Variants in ACSM1 observed in about 807,000 individuals in gnomAD.
ACSM1 encodes the protein acyl-coenzyme A synthetase ACSM1, mitochondrial.
ACSM1 carries 79 observed loss-of-function variants against 75.8 expected under a neutral mutation model. That is an observed-to-expected ratio of 1.04 (90% CI 0.87 to 1.26). The LOEUF (loss-of-function observed/expected upper bound fraction) is 1.26, where lower values mean the gene tolerates loss of function less well. Ranked by LOEUF, ACSM1 falls within the 50% of genes most tolerant of loss-of-function variation. The pLI is 0.00. For missense variants in ACSM1, 676 were observed against 720.1 expected (o/e 0.94, Z 0.70); for synonymous variants, 279 against 265.8 (o/e 1.05, Z -0.48).
At chr16:20,636,615 G>A (rs888638221) in intron 10 of ACSM1, 124 bp downstream of exon 10, 1 of 705,106 alleles carries the variant, frequency 1.4e-6, no homozygotes, top group Non-Finnish European at 2.4e-6. Flanking sequence ...GCTTCGAGTT[G>A]AATGAAAACT....
intron 4 of ACSM1, chr16:20,680,960 T>C (rs1198483194): frequency 6.6e-6 from 1 of 152,168 alleles, no homozygotes; most frequent in African/African-American, 2.4e-5. Flanking sequence ...ATCCAGTTGA[T>C]GATGAAAATA....
Position 20,669,894 on chromosome 16 carries a change from G to A in ACSM1, c.845C>T (p.Pro282Leu). ...AAAGACTGTACAACCCGCTGTCCAT[G>A]GTTCTACCAGGGTCCAAATGGTAGC... ...IVATIWTLVE[P>L]WTAGCTVFIH... is the part of the protein sequence containing the mutation. Residue 282 changes from proline to leucine, a missense_variant, in exon 6 of 14, where the codon CCA (proline) becomes CTA (leucine). By Grantham distance (98) the Pro-to-Leu change is moderately conservative (BLOSUM62 -3). Coordinates refer to ENST00000520010, the MANE Select transcript of ACSM1 (RefSeq NM_001318890.3). 1 of 1,613,936 alleles carries A rather than the reference G, an allele frequency of 6.2e-7. No homozygotes were observed. The highest frequency in any genetic ancestry group is 1.7e-5 in the Admixed American group (1 of 59,986).
intron 2 of ACSM1, among the ~76,000 whole-genome samples, chr16:20,688,356 A>C (rs2079591412): frequency 6.6e-6 from 1 of 152,124 alleles, no homozygotes; most frequent in African/African-American, 2.4e-5. Context: ...TTCTAGAAAA[A>C]GAAAGAGAAA....
chr16:20,675,751 C>CA (rs1358592582), intron 4 of ACSM1, among the ~76,000 whole-genome samples: 1 of 152,142 alleles, frequency 6.6e-6, no homozygotes, highest in Non-Finnish European at 1.5e-5. Flanking sequence ...GGAAGACAGC[C>CA]AGGGCATTCA....
At position 20,671,572 on chromosome 16, in the gene ACSM1, T is replaced by G; in HGVS notation, c.711A>C (p.Lys237Asn). Residue 237 changes from lysine to asparagine, a missense_variant, in exon 5 of 14, where the codon AAA (lysine) becomes AAC (asparagine). Lys to Asn is a moderately conservative substitution (Grantham distance 94). Coordinates refer to ENST00000520010, the MANE Select transcript of ACSM1 (RefSeq NM_001318890.3). ...GTTGTAAGGCCAACCCATGGGAGTG[T>G]TTTGCCATCTTGGGGAAGCCTGTGG... Reference protein sequence around the residue: ...SGTTGFPKMAKHSHGLALQPS... With the variant: ...SGTTGFPKMANHSHGLALQPS... 2.5e-6 allele frequency: 4 copies of G among 1,613,682 alleles called. No individual in the cohort carries two copies. The highest frequency in any genetic ancestry group is 3.4e-6 in the Non-Finnish European group (4 of 1,179,812).
chr16:20,641,050 G>A (rs2018027569), intron 7 of ACSM1, among the ~76,000 whole-genome samples: 2 of 152,194 alleles, frequency 1.3e-5, no homozygotes, highest in Non-Finnish European at 2.9e-5. Flanking sequence ...AATGGGGAAT[G>A]CATGTTAGGG....
At chr16:20,655,649 C>T (rs1017932763) in intron 7 of ACSM1, among the ~76,000 whole-genome samples, 3 of 151,858 alleles carry the variant, frequency 2.0e-5, no homozygotes, top group African/African-American at 7.3e-5. Context: ...CAAATATTGT[C>T]TTATTATTTT....
At chr16:20,639,137 C>T (rs1288816373) in intron 8 of ACSM1, among the ~76,000 whole-genome samples, 1 of 152,174 alleles carries the variant, frequency 6.6e-6, no homozygotes, top group African/African-American at 2.4e-5. Flanking sequence ...GAGAAAGTGG[C>T]TCTGTCCAGC....
At chr16:20,638,242 C>A (rs2017838810) in intron 8 of ACSM1, among the ~76,000 whole-genome samples, 1 of 152,174 alleles carries the variant, frequency 6.6e-6, no homozygotes, top group South Asian at 2.1e-4. Flanking sequence ...ACTTACCTCC[C>A]AGAGTGCTTG....
At chr16:20,640,230 T>G (rs1248775048) in intron 8 of ACSM1, among the ~76,000 whole-genome samples, 2 of 152,208 alleles carry the variant, frequency 1.3e-5, no homozygotes, top group African/African-American at 4.8e-5. Flanking sequence ...AAACAGCTGA[T>G]CAAAGACTCA....
At chr16:20,646,630 CAT>C (rs2018380599) in intron 7 of ACSM1, among the ~76,000 whole-genome samples, 1 of 152,198 alleles carries the variant, frequency 6.6e-6, no homozygotes. Context: ...ACTCTTTTCA[CAT>C]GTCTTTCTAA....
intron 1 of ACSM1, among the ~76,000 whole-genome samples, chr16:20,691,659 C>T (rs1470512956): frequency 6.6e-6 from 1 of 151,830 alleles, no homozygotes; most frequent in Non-Finnish European, 1.5e-5. Context: ...TTATATGATC[C>T]CATCCCATGA....
chr16:20,623,528 A>AATCTTGCC lies in ACSM1; in HGVS notation c.1684_1691dup (p.Ile564MetfsTer21). 1 of 1,614,148 alleles carries AATCTTGCC rather than the reference A, an allele frequency of 6.2e-7. No individual in the cohort carries two copies. On this transcript the variant is annotated frameshift_variant, in exon 14 of 14. Transcript: ENST00000520010. LOFTEE classifies it high-confidence loss of function. The stretch of plus-strand genomic sequence containing the variant: ...CCTTTTTCCGAAGTTCCTTCCGTTC[A>AATCTTGCC]ATCTTGCCAGTGATGGTTTTTGGCA...
In ACSM1 at chr16:20,635,346, A is replaced by C. The variant is rs191192393; in HGVS notation, c.1299+1393T>G. ...GGAGGTCCAGGATACAGTGAACTTTAATCACGCTCCTGCACTCCAGCTCGG... is the reference window on the plus strand; with the variant it reads ...GGAGGTCCAGGATACAGTGAACTTTCATCACGCTCCTGCACTCCAGCTCGG... On this transcript the variant is annotated intron_variant, in intron 10 of 13. Coordinates refer to ENST00000520010, the MANE Select transcript of ACSM1 (RefSeq NM_001318890.3). 9.9e-5 allele frequency among the ~76,000 whole-genome samples: 15 copies of C among 152,228 alleles called. No individual in the cohort carries two copies. In the East Asian group the frequency reaches 2.7e-3, roughly 27 times the overall value.
At chr16:20,657,114 CAT>C (rs1270921874) in intron 7 of ACSM1, among the ~76,000 whole-genome samples, 2 of 152,038 alleles carry the variant, frequency 1.3e-5, no homozygotes, top group Non-Finnish European at 2.9e-5. Context: ...TATGTCTATA[CAT>C]ATATACATAT....
At chr16:20,645,122 A>G (rs966631185) in intron 7 of ACSM1, among the ~76,000 whole-genome samples, 1 of 152,210 alleles carries the variant, frequency 6.6e-6, no homozygotes, top group Non-Finnish European at 1.5e-5. Context: ...AATGTTGGGT[A>G]AGCTGGTAAA....
chr16:20,629,719 C>T (rs942104591), intron 10 of ACSM1, among the ~76,000 whole-genome samples: 2 of 152,142 alleles, frequency 1.3e-5, no homozygotes, highest in East Asian at 1.9e-4. Flanking sequence ...TTCCACTGGG[C>T]GTGGTGGCTC....
intron 6 of ACSM1, among the ~76,000 whole-genome samples, chr16:20,667,689 C>T (rs897039455): frequency 1.3e-5 from 2 of 152,164 alleles, no homozygotes; most frequent in African/African-American, 2.4e-5. Context: ...ACCAAGAAGA[C>T]ACAGAGGCTC....
At chr16:20,641,298 G>A (rs1017219930) in intron 7 of ACSM1, among the ~76,000 whole-genome samples, 9 of 152,200 alleles carry the variant, frequency 5.9e-5, no homozygotes, top group African/African-American at 1.9e-4. Flanking sequence ...CTTTTATGGG[G>A]GGAAGTGTAC....
Sources: allele counts gnomAD v4.1 joint callset (sites outside exome capture counted in the v4.1 genomes callset), GRCh38; gene constraint gnomAD v4.1.1; transcripts MANE v1.5; gene names NCBI Gene and HGNC (gene_info 2026-07-23, HGNC 2026-07-21).